The following STK36 variants were observed in gnomAD, a reference collection of about 807,000 sequenced individuals.
STK36 encodes serine/threonine-protein kinase 36.
Under a neutral mutation model 142.2 loss-of-function variants are expected in STK36, and 116 were observed. The observed-to-expected ratio is 0.82, with a 90% CI of 0.70 to 0.95. STK36 has a LOEUF of 0.95. Ranked by LOEUF, STK36 falls within the 40% of genes least tolerant of loss-of-function variation. The pLI, the probability that STK36 is intolerant of heterozygous loss-of-function variation, is 0.00. For synonymous variants in STK36, 619 were observed against 641.7 expected (o/e 0.96, Z 0.53); for missense variants, 1,422 against 1,617.2 (o/e 0.88, Z 2.07).
intron 11 of STK36, 175 bp from the exon 12 acceptor site, chr2:218,688,522 C>T (rs1940867049): frequency 4.0e-6 from 3 of 744,018 alleles, no homozygotes; most frequent in Non-Finnish European, 6.7e-6. Context: ...GTCTTCTTCC[C>T]TGGTACAGTT....
chr2:218,690,673 T>A, intron 14 of STK36, 118 bp downstream of exon 14: 1 of 815,176 alleles, frequency 1.2e-6, no homozygotes, highest in Non-Finnish European at 2.0e-6. Context: ...ATTTGTTAAA[T>A]TCCCACCATG....
At chr2:218,693,623 CA>C (rs1941101078) in intron 17 of STK36, 99 bp from the exon 18 acceptor site, 2 of 1,131,948 alleles carry the variant, frequency 1.8e-6, no homozygotes, top group African/African-American at 1.6e-5. Flanking sequence ...GTGTGGGTAC[CA>C]GATCTTTTGA....
In STK36 at chr2:218,702,551, A is replaced by ATGTG. The variant is rs753754304; in HGVS notation, c.*550_*553dup. 8 of 152,142 alleles carry ATGTG rather than the reference A, an allele frequency of 5.3e-5. No individual in the cohort carries two copies. The highest frequency in any genetic ancestry group is 1.9e-4 in the African/African-American group (8 of 41,212). The allele number at this position is 152,142 out of a possible 1,614,324, so 9.4% of individuals were successfully genotyped here. Reference sequence around the variant, plus strand: ...ATCTTTTTTTGGGGTGTGTGTGTATATGTGTGTGTGTATGTGTGTGTGTGT... The same window carrying ATGTG: ...ATCTTTTTTTGGGGTGTGTGTGTATATGTGTGTGTGTGTGTATGTGTGTGTGTGT... On this transcript the variant is annotated 3_prime_UTR_variant, in exon 27 of 27. Coordinates refer to ENST00000295709, the MANE Select transcript of STK36 (RefSeq NM_015690.5).
intron 10 of STK36, among the ~76,000 whole-genome samples, chr2:218,683,077 A>G (rs567392378): frequency 6.6e-6 from 1 of 152,308 alleles, no homozygotes; most frequent in Non-Finnish European, 1.5e-5. Context: ...AATACTACAT[A>G]AGTGATACAT....
At chr2:218,693,859 C>T (rs1251168306) in intron 18 of STK36, 36 bp from the exon 19 acceptor site, 1 of 1,614,142 alleles carries the variant, frequency 6.2e-7, no homozygotes, top group South Asian at 1.1e-5. Flanking sequence ...CTGTCTCAGC[C>T]AGAGGTTGTT....
At chr2:218,685,052 A>G (rs372733803) in intron 10 of STK36, 33 bp from the exon 11 acceptor site, 207 of 1,612,834 alleles carry the variant, frequency 1.3e-4, no homozygotes, top group Non-Finnish European at 1.7e-4. Context: ...CTTACACACT[A>G]CTCCTGACCC....
intron 2 of STK36, 145 bp from the exon 3 acceptor site, chr2:218,673,480 A>G: frequency 8.4e-7 from 1 of 1,192,978 alleles, no homozygotes; most frequent in Non-Finnish European, 1.1e-6. Flanking sequence ...ACCATGGAGA[A>G]AATGGAAGCG....
Position 218,698,001 on chromosome 2 carries a change from G to A in STK36, c.3057G>A (p.Gln1019=), listed in dbSNP as rs1941301047. The A allele has an allele frequency of 1.9e-6, 3 of 1,614,020 alleles. No homozygotes were observed. The South Asian group carries it at 3.3e-5, about 18-fold the overall frequency. Residue 1019 remains glutamine (Q), a splice_region_variant and synonymous_variant, in exon 25 of 27, where the codon CAG becomes CAA. Transcript: ENST00000295709. ...RDSEVAAHLL[Q]VCCYHLPLMQ... ...CAGAAGTTGCAGCCCATCTGCTGCA[G>A]GTACTTGGGCAGCTAGCATGAAGGT...
In STK36 at chr2:218,684,414, C is replaced by CTTTTTTTT. The variant is rs779556469; in HGVS notation, c.1237-654_1237-647dup. Reference sequence around the variant, plus strand: ...ATAGGCGTGAGCTACTGCGCCTGGCCTTTTTTTTTTTTTTTTTTTTTTTTG... The same window carrying CTTTTTTTT: ...ATAGGCGTGAGCTACTGCGCCTGGCCTTTTTTTTTTTTTTTTTTTTTTTTTTTTTTTTG... On this transcript the variant is annotated intron_variant, in intron 10 of 26. Transcript: ENST00000295709. Among the ~76,000 whole-genome samples the CTTTTTTTT allele has an allele frequency of 1.8e-3, 88 of 49,348 alleles. 13 individuals carry two copies. Among genetic ancestry groups the CTTTTTTTT allele is most frequent in the Non-Finnish European group, 2.6e-3 (76 of 29,670 alleles). The allele number at this position is 49,348 out of a possible 152,430, so 32.4% of individuals were successfully genotyped here.
chr2:218,687,861 T>G (rs528840842), intron 11 of STK36, among the ~76,000 whole-genome samples: 2 of 152,304 alleles, frequency 1.3e-5, no homozygotes, highest in African/African-American at 4.8e-5. Context: ...AATAACCATT[T>G]AAAAATACAA....
rs189645269 is a variant in STK36, at chr2:218,700,016, C to T, written c.3804+668C>T. ...TCGGCTCACCACAACTTCTGCCTCC[C>T]GGGTTCAAGCAGTTCTCCTGCCTTA... On this transcript the variant is annotated intron_variant, in intron 26 of 26. Coordinates refer to ENST00000295709, the MANE Select transcript of STK36 (RefSeq NM_015690.5). Among the ~76,000 whole-genome samples, 157 of 152,176 alleles carry T rather than the reference C, an allele frequency of 1.0e-3. 1 individual carries two copies. Among genetic ancestry groups the T allele is most frequent in the African/African-American group, 3.4e-3 (141 of 41,504 alleles).
At chr2:218,696,866 G>A (rs866486780) in intron 22 of STK36, 173 bp from the exon 23 acceptor site, 11 of 1,058,018 alleles carry the variant, frequency 1.0e-5, no homozygotes, top group Admixed American at 6.7e-5. Flanking sequence ...AGGTCAGAGG[G>A]TTAAGGTTTG....
intron 11 of STK36, chr2:218,688,480 G>T (rs1203792752): frequency 4.9e-6 from 3 of 607,694 alleles, no homozygotes; most frequent in Non-Finnish European, 8.8e-6. Context: ...TTGGTCACTG[G>T]TGTTCTGTGT....
intron 2 of STK36, chr2:218,673,365 T>C: frequency 2.0e-6 from 1 of 488,582 alleles, no homozygotes; most frequent in Non-Finnish European, 3.5e-6. Flanking sequence ...AATCTCATCT[T>C]GAGTGCTGGT....
intron 11 of STK36, among the ~76,000 whole-genome samples, chr2:218,685,589 A>C (rs1374586293): frequency 1.3e-5 from 2 of 152,172 alleles, no homozygotes; most frequent in East Asian, 3.8e-4. Context: ...TAAATGTAAC[A>C]ATTAAATATA....
intron 9 of STK36, 28 bp from the exon 10 acceptor site, chr2:218,680,575 C>G: frequency 6.3e-7 from 1 of 1,589,834 alleles, no homozygotes; most frequent in Non-Finnish European, 8.6e-7. Flanking sequence ...GTTTGGAACC[C>G]GTTCTACCCC....
At chr2:218,688,913 A>G (rs939753319) in intron 12 of STK36, 37 bp downstream of exon 12, 1 of 1,529,330 alleles carries the variant, frequency 6.5e-7, no homozygotes, top group African/African-American at 1.4e-5. Flanking sequence ...AGACTTACAG[A>G]GGTTCTTTTT....
At position 218,689,924 on chromosome 2, in the gene STK36, CT is replaced by C; in HGVS notation, c.1628del (p.Phe543SerfsTer71). The C allele has an allele frequency of 6.2e-7, 1 of 1,602,142 alleles. No individual in the cohort carries two copies. The highest frequency in any genetic ancestry group is 8.5e-7 in the Non-Finnish European group (1 of 1,173,640). ...AVIQAYFACT[F>X]NLERSQTSDS... The stretch of plus-strand genomic sequence containing the variant: ...TGATTCAGGCCTACTTTGCCTGTAC[CT>C]TCAATCTGGAGAGGAGCCAGACAAG... On this transcript the variant is annotated frameshift_variant, in exon 13 of 27. Transcript: ENST00000295709. LOFTEE classifies it high-confidence loss of function.
In STK36 at chr2:218,693,905, TAGATTGGGA is replaced by T. The variant is rs2106362305; in HGVS notation, c.2262_2270del (p.Asp754_Glu756del). 1 of 1,614,238 alleles carries T rather than the reference TAGATTGGGA, an allele frequency of 6.2e-7. No individual in the cohort carries two copies. The highest frequency in any genetic ancestry group is 8.5e-7 in the Non-Finnish European group (1 of 1,180,028). The stretch of plus-strand genomic sequence containing the variant: ...AGGTTTCCTTTGTAGGTAAAAGTAG[TAGATTGGGA>T]AGAGTCTACTGAAGTGACACTCTAC... On this transcript the variant is annotated inframe_deletion, in exon 19 of 27. Coordinates refer to ENST00000295709, the MANE Select transcript of STK36 (RefSeq NM_015690.5).
Sources: gnomAD v4.1 joint callset for allele counts (sites outside exome capture counted in the v4.1 genomes callset) on GRCh38, gnomAD v4.1.1 for gene constraint, MANE v1.5 for transcripts, NCBI Gene and HGNC (gene_info 2026-07-23, HGNC 2026-07-21) for gene names.